Variants in MTARC2 observed in about 807,000 individuals in gnomAD.
MTARC2 encodes the protein mitochondrial amidoxime reducing component 2.
In MTARC2, 27 loss-of-function variants were observed where a neutral mutation model predicts 35.6. That is an observed-to-expected ratio of 0.76 (90% CI 0.56 to 1.04). The LOEUF (loss-of-function observed/expected upper bound fraction) is 1.04, where lower values mean the gene tolerates loss of function less well. MTARC2 is among the 50% of genes least tolerant of loss of function. The pLI, the probability that MTARC2 is intolerant of heterozygous loss-of-function variation, is 0.00. For synonymous variants in MTARC2, 158 were observed against 167.1 expected, an observed-to-expected ratio of 0.95 and a Z score of 0.42; for missense variants, 412 against 432.5, an observed-to-expected ratio of 0.95 and a Z score of 0.42.
chr1:220,771,932 C>A (rs1198222747), intron 4 of MTARC2, among the ~76,000 whole-genome samples: 1 of 152,148 alleles, frequency 6.6e-6, no homozygotes, highest in Non-Finnish European at 1.5e-5. Context: ...AAAAAAAATT[C>A]TTCATCATCA....
intron 4 of MTARC2, among the ~76,000 whole-genome samples, chr1:220,778,265 A>AG (rs1176401710): frequency 0.092 from 12,633 of 136,872 alleles, 856 homozygotes; most frequent in East Asian, 0.21. Context: ...AAAAAAAAAA[A>AG]AAAGAAAGAA....
rs758537957 is a variant in MTARC2 at position 220,780,046 on chromosome 1, G to C, written c.779G>C (p.Ser260Thr). ...ACCTGGGATGAACTCCTAATTGGTA[G>C]TGTAGAAGTGAAAAAGGTAATGGCA... is the stretch of plus-strand genomic sequence containing the variant. Reference protein sequence around the residue: ...EDTWDELLIGSVEVKKVMACP... With the variant: ...EDTWDELLIGTVEVKKVMACP... Residue 260 changes from serine to threonine, a missense_variant, in exon 5 of 8, where the codon AGT becomes ACT. Coordinates refer to ENST00000366913, the MANE Select transcript of MTARC2 (RefSeq NM_017898.5). 5.2e-6 allele frequency: 8 copies of C among 1,546,542 alleles called. No individual in the cohort carries two copies. The Admixed American group carries it at 7.0e-5, about 14-fold the overall frequency.
At chr1:220,760,458 T>A (rs1671409906) in intron 2 of MTARC2, among the ~76,000 whole-genome samples, 1 of 152,252 alleles carries the variant, frequency 6.6e-6, no homozygotes, top group Admixed American at 6.5e-5. Flanking sequence ...TCTATTTGTT[T>A]GTGTGAAAAA....
At chr1:220,775,241 C>T (rs1422683066) in intron 4 of MTARC2, among the ~76,000 whole-genome samples, 1 of 150,792 alleles carries the variant, frequency 6.6e-6, no homozygotes, top group African/African-American at 2.4e-5. Flanking sequence ...GATGTGCACA[C>T]GTTCATTCAT....
intron 1 of MTARC2, chr1:220,754,413 T>C: frequency 2.2e-6 from 1 of 456,346 alleles, no homozygotes; most frequent in South Asian, 1.5e-5. Context: ...TTTCCTGATG[T>C]AGGACCCCCG....
intron 7 of MTARC2, among the ~76,000 whole-genome samples, chr1:220,782,544 C>A (rs899249588): frequency 6.6e-6 from 1 of 152,200 alleles, no homozygotes; most frequent in African/African-American, 2.4e-5. Context: ...GAAAGTTGGA[C>A]AGAGGACCTC....
intron 4 of MTARC2, among the ~76,000 whole-genome samples, chr1:220,774,568 G>A (rs961546723): frequency 8.5e-5 from 13 of 152,176 alleles, no homozygotes; most frequent in African/African-American, 1.9e-4. Flanking sequence ...CCAGTCCTGC[G>A]ACAGAGATTA....
intron 6 of MTARC2, among the ~76,000 whole-genome samples, chr1:220,780,844 T>C (rs12031479): frequency 0.016 from 2,462 of 152,216 alleles, 43 homozygotes; most frequent in East Asian, 0.056. Flanking sequence ...ATGTAGGCCT[T>C]AAACACTTTA....
At chr1:220,764,445 T>A (rs78810684) in intron 4 of MTARC2, among the ~76,000 whole-genome samples, 2,029 of 152,250 alleles carry the variant, frequency 0.013, 32 homozygotes, top group East Asian at 0.059. Context: ...CACTGAGCCT[T>A]GTATAAACCA....
At chr1:220,776,460 A>G in intron 4 of MTARC2, among the ~76,000 whole-genome samples, 1 of 152,276 alleles carries the variant, frequency 6.6e-6, no homozygotes. Flanking sequence ...AAATAACTGA[A>G]TTAATAATTG....
chr1:220,770,451 C>T (rs78847291), intron 4 of MTARC2: 4 of 985,256 alleles, frequency 4.1e-6, no homozygotes, highest in African/African-American at 3.5e-5. Context: ...GATACGTGAA[C>T]GCACGCTTAT....
intron 4 of MTARC2, among the ~76,000 whole-genome samples, chr1:220,774,982 C>T (rs1401578510): frequency 1.3e-5 from 2 of 151,564 alleles, no homozygotes; most frequent in South Asian, 2.1e-4. Context: ...TACACACATT[C>T]GTATGCATCT....
chr1:220,754,962 T>G lies in MTARC2; in HGVS notation c.288T>G (p.Ile96Met). ...GNLRDRFWLV[I>M]KEDGHMVTAR... ...TTCTCTGCAGGTTTTGGCTGGTGAT[T>G]AAGGAAGATGGACACATGGTCACTG... Residue 96 changes from isoleucine (I) to methionine (M), a missense_variant, in exon 2 of 8, where the codon ATT becomes ATG. Transcript: ENST00000366913. 18 of 1,591,598 alleles carry G rather than the reference T, an allele frequency of 1.1e-5. No homozygotes were observed. The highest frequency in any genetic ancestry group is 1.5e-5 in the Non-Finnish European group (18 of 1,169,524).
rs1305527269 is a variant in MTARC2, at chr1:220,761,746, T to C, written c.535T>C (p.Leu179=). The change falls in exon 3 of 8, where the codon TTG becomes CTG. Residue 179 remains leucine (L), a synonymous_variant. Coordinates refer to ENST00000366913, the MANE Select transcript of MTARC2 (RefSeq NM_017898.5). ...CTTCTTGAAAACTGAAGCGTATAGA[T>C]TGGTTCAATTTGAGACAAACATGAA... The part of the protein sequence containing the change: ...TNFLKTEAYR[L]VQFETNMKGR... The C allele has an allele frequency of 1.9e-6, 3 of 1,613,800 alleles. No homozygotes were observed. Among genetic ancestry groups the C allele is most frequent in the Non-Finnish European group, 1.7e-6 (2 of 1,179,980 alleles).
chr1:220,759,528 G>A (rs926694712), intron 2 of MTARC2, among the ~76,000 whole-genome samples: 1 of 152,138 alleles, frequency 6.6e-6, no homozygotes, highest in African/African-American at 2.4e-5. Flanking sequence ...GTATTCCATT[G>A]CCCTGTTGGG....
intron 6 of MTARC2, among the ~76,000 whole-genome samples, chr1:220,781,165 T>G (rs752454715): frequency 2.0e-5 from 3 of 152,140 alleles, no homozygotes; most frequent in Non-Finnish European, 4.4e-5. Context: ...AGAAAAGAGG[T>G]TATTTCATGA....
chr1:220,781,929 T>C lies in MTARC2; in HGVS notation c.*28T>C. On this transcript the variant is annotated 3_prime_UTR_variant, in exon 7 of 8. Coordinates refer to ENST00000366913, the MANE Select transcript of MTARC2 (RefSeq NM_017898.5). ...ATGAGTGATGGATCCACTAGGGTGA[T>C]ATGGTAAAGGGTCAGCTTTGCTTCT... The C allele has an allele frequency of 6.2e-7, 1 of 1,610,970 alleles. No homozygotes were observed. The highest frequency in any genetic ancestry group is 8.5e-7 in the Non-Finnish European group (1 of 1,178,102).
chr1:220,772,942 T>TC (rs1476282569), intron 4 of MTARC2, among the ~76,000 whole-genome samples: 3 of 152,196 alleles, frequency 2.0e-5, no homozygotes, highest in African/African-American at 7.2e-5. Context: ...CGTCTCTGGT[T>TC]CCTGGCACAA....
chr1:220,751,872 C>G (rs2102540864), intron 1 of MTARC2, among the ~76,000 whole-genome samples: 2 of 152,338 alleles, frequency 1.3e-5, no homozygotes, highest in Middle Eastern at 3.4e-3. Context: ...TCTTTCAGAT[C>G]TGGCAGAATA....
Sources: allele counts gnomAD v4.1 joint callset (sites outside exome capture counted in the v4.1 genomes callset), GRCh38; gene constraint gnomAD v4.1.1; transcripts MANE v1.5; gene names NCBI Gene and HGNC (gene_info 2026-07-23, HGNC 2026-07-21).